Variants in LFNG observed in about 807,000 individuals in gnomAD.
The protein encoded by LFNG is beta-1,3-N-acetylglucosaminyltransferase lunatic fringe.
In LFNG, 15 loss-of-function variants were observed where a neutral mutation model predicts 32.7. The ratio of observed to expected loss-of-function variants is 0.46; its 90% confidence interval spans 0.31 to 0.71. The LOEUF (loss-of-function observed/expected upper bound fraction) is 0.71. Ranked by LOEUF, LFNG falls within the 30% of genes least tolerant of loss-of-function variation. The probability of loss-of-function intolerance (pLI) is 0.06; values close to 1 mark genes in which losing one functional copy is unlikely to be tolerated. For synonymous variants in LFNG, 274 were observed against 246.8 expected (o/e 1.11, Z -1.03); for missense variants, 520 against 545.7 (o/e 0.95, Z 0.47).
chr7:2,518,649 G>A, upstream of LFNG: 3 of 1,600,726 alleles, frequency 1.9e-6, no homozygotes, highest in South Asian at 2.2e-5. Context: ...TGCCATCTCA[G>A]GCGTGAACAT....
rs755783245 is a variant in LFNG, at chr7:2,520,136, C to T, written c.275C>T (p.Pro92Leu). The change falls in exon 1 of 8, where the codon CCC (proline) becomes CTC (leucine). Residue 92 changes from proline to leucine, a missense_variant. By Grantham distance (98) the Pro-to-Leu change is moderately conservative (BLOSUM62 -3). This residue lies in a region of LFNG where 360 missense variants were observed against 354.7 expected (regional missense o/e 1.01). Coordinates refer to ENST00000222725, the MANE Select transcript of LFNG (RefSeq NM_001040167.2). The surrounding 1 kb of genome is among the most constrained non-coding windows in gnomAD (Gnocchi z 5.0). ...TRARRDAGPP[P>L]GAAPRPADGH... ...GCGCGCAGAGATGCGGGCCCGCCGC[C>T]CGGGGCTGCCCCCCGCCCCGCCGAC... 76 of 1,375,516 alleles carry T rather than the reference C, an allele frequency of 5.5e-5. 3 individuals are homozygous for T. In the South Asian group the frequency reaches 1.2e-3, roughly 21 times the overall value. The allele number at this position is 1,375,516 out of a possible 1,614,324, so 85.2% of individuals were successfully genotyped here. A position where few individuals can be genotyped will look rare whatever the true frequency, so the allele number is the denominator to read the frequency against.
Position 2,527,809 on chromosome 7 carries a change from G to A in LFNG, c.*597G>A. Reference sequence around the variant, plus strand: ...CCAGTGGCCCCACGAAGCCCCCAGTGGCTGGCTGTCCAGCTGGGCAAACAG... The same window carrying A: ...CCAGTGGCCCCACGAAGCCCCCAGTAGCTGGCTGTCCAGCTGGGCAAACAG... On this transcript the variant is annotated 3_prime_UTR_variant, in exon 8 of 8. Transcript: ENST00000222725. The surrounding 1 kb of genome is among the most constrained non-coding windows in gnomAD (Gnocchi z 4.4). 1.0e-6 allele frequency: 1 copy of A among 1,004,626 alleles called. No individual in the cohort carries two copies. 62.2% of individuals were successfully genotyped at this position (1,004,626 alleles called of 1,614,324 possible).
intron 1 of LFNG, chr7:2,512,721 T>G: frequency 6.2e-7 from 1 of 1,612,876 alleles, no homozygotes; most frequent in South Asian, 1.1e-5. Context: ...AGGGTTGCTT[T>G]TCCTCCTAGA....
chr7:2,525,131 G>C, intron 2 of LFNG, 88 bp from the exon 3 acceptor site: 1 of 1,182,208 alleles, frequency 8.5e-7, no homozygotes, highest in Non-Finnish European at 1.2e-6. Flanking sequence ...GGCTTTTCTC[G>C]AGCCCCTGGG....
Position 2,526,954 on chromosome 7 carries a change from A to G in LFNG, c.1073+33A>G. ...AACCCCGGCCCAGATGGGCTTGCGTAGGGTGGCCTAGGGGCGTCAGGGGGC... is the reference window on the plus strand; with the variant it reads ...AACCCCGGCCCAGATGGGCTTGCGTGGGGTGGCCTAGGGGCGTCAGGGGGC... On this transcript the variant is annotated intron_variant, in intron 7 of 7. Coordinates refer to ENST00000222725, the MANE Select transcript of LFNG (RefSeq NM_001040167.2). This position sits in a 1 kb window ranked among gnomAD's most constrained non-coding sequence, Gnocchi z 6.9. 1 of 1,594,102 alleles carries G rather than the reference A, an allele frequency of 6.3e-7. No homozygotes were observed. Among genetic ancestry groups the G allele is most frequent in the Non-Finnish European group, 8.6e-7 (1 of 1,164,710 alleles).
chr7:2,529,030 G>A, downstream of LFNG: 1 of 433,262 alleles, frequency 2.3e-6, no homozygotes, highest in Non-Finnish European at 4.1e-6. The surrounding 1 kb of genome is among the most constrained non-coding windows in gnomAD (Gnocchi z 4.2). Context: ...GTGGCCCCAG[G>A]CCCCGACCCC....
Position 2,527,955 on chromosome 7 carries a change from G to C in LFNG, c.*743G>C, listed in dbSNP as rs770532937. ...CATTTAATCTCCTCTCCAAAGTAGAGAGCAAGTCGCCCACAGTGGGCGTGT... is the reference window on the plus strand; with the variant it reads ...CATTTAATCTCCTCTCCAAAGTAGACAGCAAGTCGCCCACAGTGGGCGTGT... On this transcript the variant is annotated 3_prime_UTR_variant, in exon 8 of 8. Transcript: ENST00000222725. The surrounding 1 kb of genome is among the most constrained non-coding windows in gnomAD (Gnocchi z 4.4). 1.0e-6 allele frequency: 1 copy of C among 985,602 alleles called. No individual in the cohort carries two copies. Among genetic ancestry groups the C allele is most frequent in the Non-Finnish European group, 1.2e-6 (1 of 830,014 alleles). 61.1% of individuals were successfully genotyped at this position (985,602 alleles called of 1,614,324 possible). A position where few individuals can be genotyped will look rare whatever the true frequency, so the allele number is the denominator to read the frequency against.
chr7:2,528,862 C>G, downstream of LFNG: 1 of 586,642 alleles, frequency 1.7e-6, no homozygotes, highest in Non-Finnish European at 3.1e-6. Flanking sequence ...ACATCATCGC[C>G]TCACTTTGCA....
At chr7:2,522,747 G>T (rs1779829721) in intron 1 of LFNG, among the ~76,000 whole-genome samples, 1 of 152,346 alleles carries the variant, frequency 6.6e-6, no homozygotes, top group Non-Finnish European at 1.5e-5. Flanking sequence ...ACCTCTCTGG[G>T]CCTCAGTTTC....
upstream of LFNG, among the ~76,000 whole-genome samples, chr7:2,515,181 T>C (rs932665311): frequency 1.3e-5 from 2 of 152,286 alleles, no homozygotes; most frequent in East Asian, 3.9e-4. Context: ...CATCCATCCA[T>C]CCATCCGTCC....
downstream of LFNG, chr7:2,528,861 C>T: frequency 3.4e-6 from 2 of 586,244 alleles, no homozygotes; most frequent in Non-Finnish European, 6.3e-6. Context: ...CACATCATCG[C>T]CTCACTTTGC....
At chr7:2,528,474 G>C (rs1040514327), downstream of LFNG, 2 of 972,686 alleles carry the variant, frequency 2.1e-6, no homozygotes, top group African/African-American at 3.5e-5. Context: ...CTAAGCCCCA[G>C]GGCAGCCAGG....
upstream of LFNG, among the ~76,000 whole-genome samples, chr7:2,513,938 T>A (rs1779550213): frequency 6.6e-6 from 1 of 152,246 alleles, no homozygotes; most frequent in Admixed American, 6.5e-5. Context: ...GGACAAGCCC[T>A]GGCCTCCAGG....
In LFNG at chr7:2,527,439, C is replaced by G. The variant is rs924775675; in HGVS notation, c.*227C>G. 11 of 1,439,678 alleles carry G rather than the reference C, an allele frequency of 7.6e-6. No homozygotes were observed. The African/African-American group carries it at 1.3e-4, about 17-fold the overall frequency. The allele number at this position is 1,439,678 out of a possible 1,614,324, so 89.2% of individuals were successfully genotyped here. A position where few individuals can be genotyped will look rare whatever the true frequency, so the allele number is the denominator to read the frequency against. On this transcript the variant is annotated 3_prime_UTR_variant, in exon 8 of 8. Coordinates refer to ENST00000222725, the MANE Select transcript of LFNG (RefSeq NM_001040167.2). The surrounding 1 kb of genome is among the most constrained non-coding windows in gnomAD (Gnocchi z 4.4). Reference sequence around the variant, plus strand: ...CCAGCGCCACTTATGTGCCTCTGCTCCGAGGGCCAGTGGGCTGCAGGGCCT... The same window carrying G: ...CCAGCGCCACTTATGTGCCTCTGCTGCGAGGGCCAGTGGGCTGCAGGGCCT...
rs1182201320 is a variant in LFNG, at chr7:2,520,931, A to G, written c.432+638A>G. The stretch of plus-strand genomic sequence containing the variant: ...AGTTGGGCATCAGCTTCTTACACAC[A>G]CATAATTAAGACACACCCCACTTTG... On this transcript the variant is annotated intron_variant, in intron 1 of 7. Transcript: ENST00000222725. The surrounding 1 kb of genome is among the most constrained non-coding windows in gnomAD (Gnocchi z 5.0). 1.3e-5 allele frequency among the ~76,000 whole-genome samples: 2 copies of G among 152,110 alleles called. No individual in the cohort carries two copies. The highest frequency in any genetic ancestry group is 2.9e-5 in the Non-Finnish European group (2 of 68,024).
rs1187517401 is a variant in LFNG at position 2,527,320 on chromosome 7, C to G, written c.*108C>G. 27 of 1,512,002 alleles carry G rather than the reference C, an allele frequency of 1.8e-5. No individual in the cohort carries two copies. In the African/African-American group the frequency reaches 2.5e-4, roughly 14 times the overall value. The allele number at this position is 1,512,002 out of a possible 1,614,324, so 93.7% of individuals were successfully genotyped here. A position where few individuals can be genotyped will look rare whatever the true frequency, so the allele number is the denominator to read the frequency against. On this transcript the variant is annotated 3_prime_UTR_variant, in exon 8 of 8. Coordinates refer to ENST00000222725, the MANE Select transcript of LFNG (RefSeq NM_001040167.2). This position sits in a 1 kb window ranked among gnomAD's most constrained non-coding sequence, Gnocchi z 4.4. The stretch of plus-strand genomic sequence containing the variant: ...ATTCGAGGCTCCCCTAGGGCCGTGC[C>G]TGTGCGTGTGCGTGTGCGTGTGTGT...
Position 2,519,934 on chromosome 7 carries a change from A to ACCGCCGAC in LFNG, c.80_87dup (p.Pro30ThrfsTer118). Reference sequence around the variant, plus strand: ...GCTGCTCGCCTGCCTGCTGGTGCTCACCGCCGACCCGCCGCCGCCTCCACT... The same window carrying ACCGCCGAC: ...GCTGCTCGCCTGCCTGCTGGTGCTCACCGCCGACCCGCCGACCCGCCGCCGCCTCCACT... On this transcript the variant is annotated frameshift_variant, in exon 1 of 8. Coordinates refer to ENST00000222725, the MANE Select transcript of LFNG (RefSeq NM_001040167.2). LOFTEE classifies it high-confidence loss of function. 1 of 1,030,160 alleles carries ACCGCCGAC rather than the reference A, an allele frequency of 9.7e-7. No individual in the cohort carries two copies. The highest frequency in any genetic ancestry group is 1.2e-6 in the Non-Finnish European group (1 of 861,480). The allele number at this position is 1,030,160 out of a possible 1,614,324, so 63.8% of individuals were successfully genotyped here.
upstream of LFNG, among the ~76,000 whole-genome samples, chr7:2,513,492 A>G (rs963236682): frequency 1.3e-5 from 2 of 152,166 alleles, no homozygotes; most frequent in African/African-American, 4.8e-5. Context: ...CAAGCCCAGG[A>G]TCACATAGCA....
chr7:2,519,833 AG>A lies in LFNG; in HGVS notation c.-26del. On this transcript the variant is annotated 5_prime_UTR_variant, in exon 1 of 8. Transcript: ENST00000222725. Reference sequence around the variant, plus strand: ...TCGGTGCAAGGCAGGCGCACGGGGAAGGGCGCGCCGCGCGGCCGCCACCCCA... The same window carrying A: ...TCGGTGCAAGGCAGGCGCACGGGGAAGGCGCGCCGCGCGGCCGCCACCCCA... 1 of 1,072,158 alleles carries A rather than the reference AG, an allele frequency of 9.3e-7. No homozygotes were observed. Among genetic ancestry groups the A allele is most frequent in the East Asian group, 6.0e-5 (1 of 16,760 alleles). The allele number at this position is 1,072,158 out of a possible 1,614,324, so 66.4% of individuals were successfully genotyped here.
Sources: allele counts gnomAD v4.1 joint callset (sites outside exome capture counted in the v4.1 genomes callset), GRCh38; gene constraint gnomAD v4.1.1; regional missense constraint gnomAD v4.1.1; non-coding constraint Gnocchi (gnomAD v3.1); transcripts MANE v1.5; gene names NCBI Gene and HGNC (gene_info 2026-07-23, HGNC 2026-07-21).